The following NTN1 variants were observed in gnomAD, a reference collection of about 807,000 sequenced individuals.
NTN1 encodes the protein netrin-1.
NTN1 carries 11 observed loss-of-function variants against 54.2 expected under a neutral mutation model. That is an observed-to-expected ratio of 0.20 (90% CI 0.13 to 0.34). The LOEUF is 0.34. Among genes scored for constraint, NTN1 ranks in the 10% least tolerant of loss-of-function variants. The probability of loss-of-function intolerance (pLI) is 1.00; values close to 1 mark genes in which losing one functional copy is unlikely to be tolerated. For missense variants in NTN1, 740 were observed against 893.1 expected, an observed-to-expected ratio of 0.83 and a Z score of 2.18; for synonymous variants, 371 against 382.0, an observed-to-expected ratio of 0.97 and a Z score of 0.33.
intron 3 of NTN1, among the ~76,000 whole-genome samples, chr17:9,172,454 G>A (rs979873431): frequency 6.6e-6 from 1 of 152,124 alleles, no homozygotes; most frequent in Non-Finnish European, 1.5e-5. Context: ...ACTCCAGCCT[G>A]GGCGACAGAG....
intron 2 of NTN1, among the ~76,000 whole-genome samples, chr17:9,039,847 G>T (rs184338353): frequency 1.4e-4 from 22 of 152,128 alleles, no homozygotes; most frequent in Non-Finnish European, 1.8e-4. Flanking sequence ...TTCTGGGGGG[G>T]TATTCATTGT....
intron 1 of NTN1, 68 bp downstream of exon 1, chr17:9,021,653 G>C (rs1345988894): frequency 6.6e-6 from 1 of 151,954 alleles, no homozygotes; most frequent in Non-Finnish European, 1.5e-5. Context: ...GGCGGGAGCC[G>C]GGCGGCCGCG....
At chr17:9,016,879 G>A (rs1285633705), upstream of NTN1, among the ~76,000 whole-genome samples, 1 of 152,158 alleles carries the variant, frequency 6.6e-6, no homozygotes, top group Non-Finnish European at 1.5e-5. Flanking sequence ...TGGCCTTGCT[G>A]GCTGCCATTC....
chr17:9,197,289 C>G (rs1299652815), intron 5 of NTN1, among the ~76,000 whole-genome samples: 1 of 151,994 alleles, frequency 6.6e-6, no homozygotes, highest in Non-Finnish European at 1.5e-5. Context: ...TTCAAGTAGA[C>G]CATCCTTTCA....
At chr17:9,202,106 T>C (rs1286910102) in intron 5 of NTN1, among the ~76,000 whole-genome samples, 3 of 126,400 alleles carry the variant, frequency 2.4e-5, no homozygotes, top group Admixed American at 8.5e-5. Context: ...CCAGGTATGG[T>C]GGTACGCACC....
rs762489133 is a variant in NTN1, at chr17:9,162,915, A to G, written c.1121A>G (p.Asn374Ser). 21 of 1,611,624 alleles carry G rather than the reference A, an allele frequency of 1.3e-5. No homozygotes were observed. Among genetic ancestry groups the G allele is most frequent in the Admixed American group, 6.7e-5 (4 of 59,652 alleles). ...SGGVCLNCRH[N>S]TAGRHCHYCK... is the part of the protein sequence containing the mutation. Reference sequence around the variant, plus strand: ...GGTGTCTGCCTCAACTGTCGCCACAACACCGCCGGCCGCCACTGCCATTAC... The same window carrying G: ...GGTGTCTGCCTCAACTGTCGCCACAGCACCGCCGGCCGCCACTGCCATTAC... Residue 374 changes from asparagine (N) to serine (S), a missense_variant, in exon 3 of 7, where the codon AAC becomes AGC. Transcript: ENST00000173229.
chr17:9,050,487 G>A (rs2091956944), intron 2 of NTN1, among the ~76,000 whole-genome samples: 1 of 150,758 alleles, frequency 6.6e-6, no homozygotes, highest in African/African-American at 2.4e-5. Flanking sequence ...CTGGCCAACA[G>A]GACGAAACCC....
At chr17:9,047,967 A>T (rs1372213558) in intron 2 of NTN1, among the ~76,000 whole-genome samples, 4 of 152,134 alleles carry the variant, frequency 2.6e-5, no homozygotes, top group African/African-American at 9.7e-5. Context: ...AAGTGCTGGG[A>T]TTACAGGCAT....
intron 5 of NTN1, chr17:9,183,196 C>G: frequency 2.9e-6 from 2 of 687,950 alleles, no homozygotes; most frequent in African/African-American, 3.6e-5. Context: ...AATGATGCCT[C>G]TCTCCCAAGC....
At chr17:9,070,838 C>T (rs1233302956) in intron 2 of NTN1, among the ~76,000 whole-genome samples, 2 of 152,086 alleles carry the variant, frequency 1.3e-5, no homozygotes, top group Non-Finnish European at 2.9e-5. Context: ...GTGATCTGCC[C>T]GCCTCCGCCT....
Position 9,211,059 on chromosome 17 carries a change from C to T in NTN1, c.1412-10109C>T, listed in dbSNP as rs960279858. Among the ~76,000 whole-genome samples, 11 of 152,002 alleles carry T rather than the reference C, an allele frequency of 7.2e-5. No individual in the cohort carries two copies. The highest frequency in any genetic ancestry group is 2.7e-4 in the African/African-American group (11 of 41,368). ...CAAGAGTATAAAAACCAGCCACAGG[C>T]CCACCACCCAACATTTCTGGCACAT... On this transcript the variant is annotated intron_variant, in intron 5 of 6. Transcript: ENST00000173229. The surrounding 1 kb of genome is among the most constrained non-coding windows in gnomAD (Gnocchi z 4.4).
At chr17:9,204,489 T>TTCG (rs145953492) in intron 5 of NTN1, among the ~76,000 whole-genome samples, 10,257 of 152,106 alleles carry the variant, frequency 0.067, 640 homozygotes, top group African/African-American at 0.17. Context: ...GAGACAGGGT[T>TTCG]TCGCCACACT....
chr17:9,077,897 T>C (rs1207521919), intron 2 of NTN1, among the ~76,000 whole-genome samples: 4 of 152,230 alleles, frequency 2.6e-5, no homozygotes, highest in Non-Finnish European at 4.4e-5. Flanking sequence ...ATGGGGGTCC[T>C]GGGCTCTGTG....
chr17:9,066,341 T>C (rs2092014814), intron 2 of NTN1, among the ~76,000 whole-genome samples: 1 of 152,120 alleles, frequency 6.6e-6, no homozygotes. Context: ...GAAAATTCAA[T>C]AGCAGAGCCG....
At chr17:9,151,577 A>G (rs1454830819) in intron 2 of NTN1, among the ~76,000 whole-genome samples, 3 of 147,458 alleles carry the variant, frequency 2.0e-5, no homozygotes, top group Non-Finnish European at 3.0e-5. Context: ...GGGAGGGGGA[A>G]GGGAGGGTGG....
At chr17:9,156,782 C>T (rs1344897959) in intron 2 of NTN1, among the ~76,000 whole-genome samples, 3 of 152,192 alleles carry the variant, frequency 2.0e-5, no homozygotes, top group South Asian at 2.1e-4. Context: ...AATCAGATGT[C>T]GCAAGGCTAT....
chr17:9,169,978 G>A (rs988865409), intron 3 of NTN1, among the ~76,000 whole-genome samples: 1 of 152,340 alleles, frequency 6.6e-6, no homozygotes, highest in East Asian at 1.9e-4. Flanking sequence ...TCTGGGTTTG[G>A]CCAGAGCGTT....
At chr17:9,109,498 A>G (rs1040472997) in intron 2 of NTN1, among the ~76,000 whole-genome samples, 2 of 152,248 alleles carry the variant, frequency 1.3e-5, no homozygotes, top group African/African-American at 4.8e-5. Flanking sequence ...TTGCCATGCC[A>G]TTGTATAAAC....
intron 2 of NTN1, among the ~76,000 whole-genome samples, chr17:9,121,360 A>G (rs902393742): frequency 6.6e-6 from 1 of 151,932 alleles, no homozygotes; most frequent in Non-Finnish European, 1.5e-5. Flanking sequence ...CTTCCACAGT[A>G]TAATATCTGG....
Sources: allele counts gnomAD v4.1 joint callset (sites outside exome capture counted in the v4.1 genomes callset), GRCh38; gene constraint gnomAD v4.1.1; non-coding constraint Gnocchi (gnomAD v3.1); transcripts MANE v1.5; gene names NCBI Gene and HGNC (gene_info 2026-07-23, HGNC 2026-07-21).